Variants in SLC4A10 observed in about 807,000 individuals in gnomAD.
SLC4A10 encodes the protein sodium-driven chloride bicarbonate exchanger.
Under a neutral mutation model 137.7 loss-of-function variants are expected in SLC4A10, and 42 were observed. The ratio of observed to expected loss-of-function variants is 0.30; its 90% confidence interval spans 0.24 to 0.39. The LOEUF (loss-of-function observed/expected upper bound fraction) is 0.39. Among genes scored for constraint, SLC4A10 ranks in the 10% least tolerant of loss-of-function variants. SLC4A10 has a pLI of 1.00. For synonymous variants in SLC4A10, 474 were observed against 464.1 expected (o/e 1.02, Z -0.27); for missense variants, 925 against 1,355.0 (o/e 0.68, Z 4.98).
chr2:161,718,022 G>T (rs1457395297), intron 1 of SLC4A10, among the ~76,000 whole-genome samples: 2 of 152,004 alleles, frequency 1.3e-5, no homozygotes, highest in African/African-American at 4.8e-5. Flanking sequence ...ACTTCTTTGT[G>T]GGTCAGTGTG....
At chr2:161,916,891 TA>T (rs1384625194) in intron 15 of SLC4A10, among the ~76,000 whole-genome samples, 1 of 152,232 alleles carries the variant, frequency 6.6e-6, no homozygotes, top group Non-Finnish European at 1.5e-5. Context: ...CTTATCTTTT[TA>T]AAGTAAAAAT....
intron 1 of SLC4A10, chr2:161,708,664 A>G: frequency 6.7e-7 from 1 of 1,489,000 alleles, no homozygotes; most frequent in Non-Finnish European, 8.9e-7. Flanking sequence ...ACTGATGGAC[A>G]GATCTGTTGT....
intron 15 of SLC4A10, among the ~76,000 whole-genome samples, chr2:161,936,117 G>T (rs925594477): frequency 6.6e-6 from 1 of 152,064 alleles, no homozygotes; most frequent in African/African-American, 2.4e-5. Context: ...AATCATCCTT[G>T]CATCTTTGGG....
intron 5 of SLC4A10, among the ~76,000 whole-genome samples, chr2:161,857,862 A>C (rs2125868051): frequency 6.6e-6 from 1 of 152,308 alleles, no homozygotes; most frequent in South Asian, 2.1e-4. Flanking sequence ...AGAAATAAAA[A>C]TAATTTTTTT....
chr2:161,977,321 C>G, intron 25 of SLC4A10: 1 of 453,594 alleles, frequency 2.2e-6, no homozygotes, highest in Non-Finnish European at 4.4e-6. Context: ...GACTCCAACC[C>G]CCTGAAAGTC....
At chr2:161,794,864 C>G (rs1021501657) in intron 2 of SLC4A10, among the ~76,000 whole-genome samples, 4 of 152,014 alleles carry the variant, frequency 2.6e-5, no homozygotes, top group Admixed American at 2.6e-4. Flanking sequence ...ATGCGTGTAA[C>G]TGGCACTGGT....
chr2:161,912,065 C>T (rs1315105385), intron 15 of SLC4A10, among the ~76,000 whole-genome samples: 2 of 152,064 alleles, frequency 1.3e-5, no homozygotes, highest in East Asian at 3.9e-4. Flanking sequence ...CTCTTTCATT[C>T]TCACTGTCCC....
rs1684258641 is a variant in SLC4A10 at position 161,905,996 on chromosome 2, T to C, written c.1997+109T>C. ...CAGCAGAGAATGTGCCTTAAGTTGA[T>C]TCATGACCTAAATCCTGACTCTCAG... On this transcript the variant is annotated intron_variant, in intron 15 of 26. Transcript: ENST00000446997. 4 of 1,367,724 alleles carry C rather than the reference T, an allele frequency of 2.9e-6. No homozygotes were observed. The East Asian group carries it at 7.4e-5, about 25-fold the overall frequency. 84.7% of individuals were successfully genotyped at this position (1,367,724 alleles called of 1,614,324 possible). A position where few individuals can be genotyped will look rare whatever the true frequency, so the allele number is the denominator to read the frequency against.
At chr2:161,923,846 T>G (rs1432206352) in intron 15 of SLC4A10, among the ~76,000 whole-genome samples, 2 of 151,394 alleles carry the variant, frequency 1.3e-5, no homozygotes, top group Non-Finnish European at 2.9e-5. Context: ...GAAAAAAAAA[T>G]AACCCCATGA....
In SLC4A10 at chr2:161,698,362, A is replaced by T. The variant is rs371267092; in HGVS notation, c.49-72611A>T. On this transcript the variant is annotated intron_variant, in intron 1 of 26. Coordinates refer to ENST00000446997, the MANE Select transcript of SLC4A10 (RefSeq NM_001178015.2). ...CACTATGTTGAATAGGAGTGGTGAGAGAGGGCATCCCTGTCTTGTGCCAGT... is the reference window on the plus strand; with the variant it reads ...CACTATGTTGAATAGGAGTGGTGAGTGAGGGCATCCCTGTCTTGTGCCAGT... 4.4e-4 allele frequency among the ~76,000 whole-genome samples: 67 copies of T among 152,322 alleles called. 2 individuals are homozygous for T. In the East Asian group the frequency reaches 0.013, roughly 29 times the overall value.
At chr2:161,976,215 A>G (rs1350379873) in intron 24 of SLC4A10, among the ~76,000 whole-genome samples, 1 of 152,208 alleles carries the variant, frequency 6.6e-6, no homozygotes, top group Non-Finnish European at 1.5e-5. Context: ...TTTAATTATC[A>G]AAAATATTGT....
At chr2:161,929,192 ATTTAC>A (rs1265256351) in intron 15 of SLC4A10, among the ~76,000 whole-genome samples, 5 of 152,178 alleles carry the variant, frequency 3.3e-5, no homozygotes, top group Non-Finnish European at 7.3e-5. Flanking sequence ...TATATTACTA[ATTTAC>A]TTCAACGAGA....
intron 1 of SLC4A10, among the ~76,000 whole-genome samples, chr2:161,661,837 A>G (rs2038442732): frequency 6.6e-6 from 1 of 152,170 alleles, no homozygotes; most frequent in Admixed American, 6.5e-5. Context: ...TCAGCAAAAA[A>G]AATATATATT....
chr2:161,730,400 A>G (rs1489050059), intron 1 of SLC4A10, among the ~76,000 whole-genome samples: 2 of 152,202 alleles, frequency 1.3e-5, no homozygotes, highest in African/African-American at 2.4e-5. Context: ...GTTCACTCAT[A>G]AAACAATCTA....
intron 1 of SLC4A10, among the ~76,000 whole-genome samples, chr2:161,696,057 C>T (rs984915196): frequency 1.3e-5 from 2 of 150,320 alleles, no homozygotes; most frequent in Non-Finnish European, 3.0e-5. Flanking sequence ...TGCTATCCCA[C>T]CCCACTTCCC....
intron 1 of SLC4A10, among the ~76,000 whole-genome samples, chr2:161,636,860 A>T (rs1177634966): frequency 6.6e-6 from 1 of 150,404 alleles, no homozygotes; most frequent in East Asian, 2.0e-4. Flanking sequence ...TGTCTAATTA[A>T]TTTTTTTATT....
intron 21 of SLC4A10, among the ~76,000 whole-genome samples, chr2:161,959,549 G>A (rs1389387464): frequency 6.6e-6 from 1 of 152,082 alleles, no homozygotes; most frequent in African/African-American, 2.4e-5. Flanking sequence ...GCCTCTCCAT[G>A]GAATCCTTAG....
chr2:161,872,956 C>G (rs1469523160), intron 7 of SLC4A10, among the ~76,000 whole-genome samples: 1 of 152,142 alleles, frequency 6.6e-6, no homozygotes, highest in Non-Finnish European at 1.5e-5. Context: ...TCAGGTGATC[C>G]GTCCGCCTCA....
rs558606855 is a variant in SLC4A10, at chr2:161,718,888, G to T, written c.49-52085G>T. ...ATGAGTCTAATATTGACAGCAGGGT[G>T]TTATTATCTCCCACTGTTTTTTTTA... On this transcript the variant is annotated intron_variant, in intron 1 of 26. Coordinates refer to ENST00000446997, the MANE Select transcript of SLC4A10 (RefSeq NM_001178015.2). Among the ~76,000 whole-genome samples the T allele has an allele frequency of 3.3e-5, 5 of 152,022 alleles. No homozygotes were observed. The East Asian group carries it at 9.7e-4, about 29-fold the overall frequency.
Sources: gnomAD v4.1 joint callset for allele counts (sites outside exome capture counted in the v4.1 genomes callset) on GRCh38, gnomAD v4.1.1 for gene constraint, MANE v1.5 for transcripts, NCBI Gene and HGNC (gene_info 2026-07-23, HGNC 2026-07-21) for gene names.